LCP2: variants seen among roughly 807,000 people sequenced by gnomAD.
LCP2 encodes 76 kDa tyrosine phosphoprotein.
A neutral mutation model predicts 74.5 loss-of-function variants in LCP2; 29 were observed. The ratio of observed to expected loss-of-function variants is 0.39; its 90% CI spans 0.29 to 0.53. LCP2 has a LOEUF of 0.53. LCP2 is among the 20% of genes least tolerant of loss of function. The pLI is 0.72. For missense variants in LCP2, 604 were observed against 634.6 expected (o/e 0.95, Z 0.52); for synonymous variants, 228 against 229.5 (o/e 0.99, Z 0.06).
chr5:170,287,248 A>G lies in LCP2; in HGVS notation c.188+722T>C, dbSNP rs115497468. On this transcript the variant is annotated intron_variant, in intron 3 of 20. Coordinates refer to ENST00000046794, the MANE Select transcript of LCP2 (RefSeq NM_005565.5). ...TCTTATAATGGAGAACTATTTCTTCATACAGAATATTTACCACTGTTTTGT... is the reference window on the plus strand; with the variant it reads ...TCTTATAATGGAGAACTATTTCTTCGTACAGAATATTTACCACTGTTTTGT... Among the ~76,000 whole-genome samples the G allele has an allele frequency of 3.4e-3, 516 of 152,330 alleles. 1 individual carries two copies. Among genetic ancestry groups the G allele is most frequent in the African/African-American group, 0.012 (485 of 41,564 alleles).
Position 170,297,557 on chromosome 5 carries a change from TGTCGGGGTCCCAGCC to T in LCP2, c.40_54del (p.Gly14_Asp18del). 6 of 1,613,298 alleles carry T rather than the reference TGTCGGGGTCCCAGCC, an allele frequency of 3.7e-6. No homozygotes were observed. Among genetic ancestry groups the T allele is most frequent in the Non-Finnish European group, 5.1e-6 (6 of 1,179,604 alleles). On this transcript the variant is annotated inframe_deletion, in exon 1 of 21. Transcript: ENST00000046794. ...ACCTTCTTGAAATAGTCAGCAAGGC[TGTCGGGGTCCCAGCC>T]CAGGACCTCTGAGCGAAAGGGCACA...
chr5:170,252,987 A>T, intron 18 of LCP2, 132 bp downstream of exon 18: 1 of 628,616 alleles, frequency 1.6e-6, no homozygotes, highest in Admixed American at 3.1e-5. Context: ...CTTCTCCTTT[A>T]ACTTTTTTTT....
intron 15 of LCP2, chr5:170,258,462 G>A (rs185060377): frequency 8.4e-6 from 3 of 358,694 alleles, no homozygotes; most frequent in African/African-American, 6.2e-5. Context: ...TTGTCAGCTG[G>A]AAACCTTATA....
rs1284709716 is a variant in LCP2, at chr5:170,248,425, A to G, written c.*272T>C. On this transcript the variant is annotated 3_prime_UTR_variant, in exon 21 of 21. Transcript: ENST00000046794. ...TGTATTTTGAAATGGGCATTAAATA[A>G]TCTTTTAAAAAATGAATTATTACAG... 2 of 292,180 alleles carry G rather than the reference A, an allele frequency of 6.8e-6. No individual in the cohort carries two copies. The highest frequency in any genetic ancestry group is 1.1e-4 in the East Asian group (1 of 8,800). The allele number at this position is 292,180 out of a possible 1,614,324, so 18.1% of individuals were successfully genotyped here.
At chr5:170,260,977 C>A (rs868722145) in intron 14 of LCP2, 130 bp downstream of exon 14, 5 of 699,772 alleles carry the variant, frequency 7.1e-6, no homozygotes, top group Middle Eastern at 2.4e-4. Context: ...CCTTAAGAGA[C>A]GAGACCCCTG....
intron 18 of LCP2, 34 bp downstream of exon 18, chr5:170,253,085 G>A: frequency 3.6e-6 from 5 of 1,383,366 alleles, no homozygotes; most frequent in Non-Finnish European, 5.1e-6. Context: ...CAGGGAAAAG[G>A]CAAACAAACA....
rs1158244129 is a variant in LCP2, at chr5:170,275,824, G to A, written c.225C>T (p.Asn75=). The A allele has an allele frequency of 1.8e-5, 29 of 1,579,742 alleles. No homozygotes were observed. The highest frequency in any genetic ancestry group is 1.7e-4 in the Middle Eastern group (1 of 6,046). The change falls in exon 4 of 21, where the codon AAC becomes AAT. Residue 75 remains asparagine (N), a synonymous_variant. Coordinates refer to ENST00000046794, the MANE Select transcript of LCP2 (RefSeq NM_005565.5). Reference sequence around the variant, plus strand: ...GTGTGAAGATGCTCCTCCTCTCTTCGTTCTTGTTGATTTCCTGACTTAACT... The same window carrying A: ...GTGTGAAGATGCTCCTCCTCTCTTCATTCTTGTTGATTTCCTGACTTAACT... The part of the protein sequence containing the change: ...LSKLSQEINK[N]EERRSIFTRK...
At chr5:170,287,169 T>C (rs1036237456) in intron 3 of LCP2, among the ~76,000 whole-genome samples, 1 of 152,234 alleles carries the variant, frequency 6.6e-6, no homozygotes, top group Non-Finnish European at 1.5e-5. Context: ...TCACCAACAA[T>C]GAGGCTTTGC....
At chr5:170,257,131 A>G (rs1761568116) in intron 16 of LCP2, among the ~76,000 whole-genome samples, 1 of 151,936 alleles carries the variant, frequency 6.6e-6, no homozygotes, top group South Asian at 2.1e-4. Flanking sequence ...CTGAGCAGCA[A>G]CTCCTGCACC....
chr5:170,294,752 G>C (rs987596774), intron 1 of LCP2, among the ~76,000 whole-genome samples: 1 of 152,208 alleles, frequency 6.6e-6, no homozygotes. Flanking sequence ...TTTATCTACA[G>C]GCAGTGGGGG....
chr5:170,286,797 G>A (rs1044889961), intron 3 of LCP2, among the ~76,000 whole-genome samples: 1 of 152,100 alleles, frequency 6.6e-6, no homozygotes, highest in Non-Finnish European at 1.5e-5. Context: ...ACCTATTCAT[G>A]AGATCTCCCC....
At chr5:170,288,531 C>T (rs1762223865) in intron 2 of LCP2, among the ~76,000 whole-genome samples, 1 of 152,136 alleles carries the variant, frequency 6.6e-6, no homozygotes, top group Admixed American at 6.5e-5. Flanking sequence ...TATGGGGATG[C>T]CATGAAAAGG....
chr5:170,250,593 A>G (rs1761413397), intron 20 of LCP2, 137 bp downstream of exon 20: 2 of 679,720 alleles, frequency 2.9e-6, no homozygotes, highest in African/African-American at 1.8e-5. Context: ...TTCTCTTCCA[A>G]TAAATGAAGG....
At chr5:170,251,818 T>C (rs1761451328) in intron 19 of LCP2, 1 of 328,082 alleles carries the variant, frequency 3.0e-6, no homozygotes, top group Non-Finnish European at 6.4e-6. Context: ...TCGGGATTTT[T>C]CAAAAGTTCT....
intron 15 of LCP2, among the ~76,000 whole-genome samples, chr5:170,258,657 C>A (rs1238266375): frequency 6.6e-6 from 1 of 152,228 alleles, no homozygotes; most frequent in African/African-American, 2.4e-5. Flanking sequence ...CACTGTTACA[C>A]ATGAATTTAG....
In LCP2 at chr5:170,294,058, G is replaced by A. The variant is rs140510502; in HGVS notation, c.79-686C>T. Among the ~76,000 whole-genome samples, 168 of 152,322 alleles carry A rather than the reference G, an allele frequency of 1.1e-3. 1 individual carries two copies. The highest frequency in any genetic ancestry group is 3.9e-3 in the African/African-American group (164 of 41,574). ...AATCATTTAACCCTCACATTTTGCA[G>A]ATGGGGAATGAGAGGCACAGACAGC... On this transcript the variant is annotated intron_variant, in intron 1 of 20. Transcript: ENST00000046794.
At chr5:170,261,616 C>T (rs1761656610) in intron 13 of LCP2, among the ~76,000 whole-genome samples, 2 of 152,140 alleles carry the variant, frequency 1.3e-5, no homozygotes, top group South Asian at 4.1e-4. Flanking sequence ...CTCTCAGGGC[C>T]CACCTTGGTG....
chr5:170,251,367 T>C (rs991673598), intron 19 of LCP2: 6 of 215,716 alleles, frequency 2.8e-5, no homozygotes, highest in Non-Finnish European at 5.8e-5. Context: ...TAGATAGTCT[T>C]TCCTTCATCA....
intron 6 of LCP2, among the ~76,000 whole-genome samples, chr5:170,273,150 T>C (rs1761926004): frequency 1.3e-5 from 2 of 152,128 alleles, no homozygotes; most frequent in Non-Finnish European, 2.9e-5. Context: ...TTTCCCAGTA[T>C]GCCCTTGCAA....
Sources: gnomAD v4.1 joint callset for allele counts (sites outside exome capture counted in the v4.1 genomes callset) on GRCh38, gnomAD v4.1.1 for gene constraint, MANE v1.5 for transcripts, NCBI Gene and HGNC (gene_info 2026-07-23, HGNC 2026-07-21) for gene names.